The following AFAP1L1 variants were observed in gnomAD, a reference collection of about 807,000 sequenced individuals.
AFAP1L1 encodes actin filament associated protein 1 like 1.
AFAP1L1 carries 77 observed loss-of-function variants against 99.8 expected under a neutral mutation model. That is an observed-to-expected ratio of 0.77 (90% CI 0.64 to 0.93). The LOEUF (loss-of-function observed/expected upper bound fraction) is 0.93, where lower values mean the gene tolerates loss of function less well. AFAP1L1 is among the 40% of genes least tolerant of loss of function. The probability of loss-of-function intolerance (pLI) is 0.00; values close to 1 mark genes in which losing one functional copy is unlikely to be tolerated. For missense variants in AFAP1L1, 893 were observed against 996.8 expected (o/e 0.90, Z 1.40); for synonymous variants, 373 against 395.3 (o/e 0.94, Z 0.67).
At chr5:149,339,887 A>G (rs915600821) in intron 18 of AFAP1L1, 120 bp from the exon 19 acceptor site, 12 of 993,616 alleles carry the variant, frequency 1.2e-5, no homozygotes, top group Non-Finnish European at 1.7e-5. Flanking sequence ...AGAGGGGGTT[A>G]GAACCCAACG....
chr5:149,274,671 GA>G (rs1393031633), intron 1 of AFAP1L1, among the ~76,000 whole-genome samples: 1 of 152,158 alleles, frequency 6.6e-6, no homozygotes, highest in African/African-American at 2.4e-5. Flanking sequence ...TTGAGGTCAG[GA>G]GTTCGAGACC....
chr5:149,305,285 T>C (rs142486103), intron 5 of AFAP1L1, among the ~76,000 whole-genome samples: 18 of 152,330 alleles, frequency 1.2e-4, no homozygotes, highest in Non-Finnish European at 2.5e-4. Context: ...ATGATAGAGA[T>C]AGGATTTGAA....
intron 1 of AFAP1L1, among the ~76,000 whole-genome samples, chr5:149,291,621 T>C (rs1755865042): frequency 6.9e-6 from 1 of 144,712 alleles, no homozygotes; most frequent in Non-Finnish European, 1.5e-5. Context: ...TCCTTCACCC[T>C]ACCCAAGCAC....
intron 1 of AFAP1L1, among the ~76,000 whole-genome samples, chr5:149,283,930 C>G (rs1755599463): frequency 6.6e-6 from 1 of 152,188 alleles, no homozygotes; most frequent in South Asian, 2.1e-4. Context: ...CCTGAATCTC[C>G]CAGTGTGGCA....
intron 17 of AFAP1L1, among the ~76,000 whole-genome samples, chr5:149,333,460 G>A (rs1757315120): frequency 6.6e-6 from 1 of 152,172 alleles, no homozygotes; most frequent in African/African-American, 2.4e-5. Context: ...GCCCTCTCCT[G>A]AGATCTCCAG....
At chr5:149,291,464 T>G (rs1190944723) in intron 1 of AFAP1L1, among the ~76,000 whole-genome samples, 1 of 130,848 alleles carries the variant, frequency 7.6e-6, no homozygotes. Context: ...AGGCGGAGGT[T>G]GCAGTGAGCC....
Position 149,300,373 on chromosome 5 carries a change from A to T in AFAP1L1, c.229+19A>T, listed in dbSNP as rs191499411. On this transcript the variant is annotated intron_variant, in intron 3 of 18. Transcript: ENST00000296721. ...GAATTTGGTAAGTGACCCTCTCCCA[A>T]CCTCAGCTACGGAGCCATCCCTCTT... The T allele has an allele frequency of 4.3e-4, 686 of 1,604,572 alleles. 10 individuals carry two copies. In the East Asian group the frequency reaches 0.013, roughly 30 times the overall value.
intron 7 of AFAP1L1, among the ~76,000 whole-genome samples, chr5:149,308,919 A>AC (rs938443526): frequency 1.0e-4 from 15 of 145,856 alleles, no homozygotes; most frequent in Non-Finnish European, 9.0e-5. Context: ...ACAAAGCAAG[A>AC]CTCCGTCTCT....
intron 1 of AFAP1L1, among the ~76,000 whole-genome samples, chr5:149,292,640 A>G (rs568574643): frequency 4.1e-4 from 62 of 152,340 alleles, no homozygotes; most frequent in African/African-American, 1.4e-3. Flanking sequence ...TTGAAAACTT[A>G]TAAACGATGA....
chr5:149,321,461 T>C (rs561908467), intron 14 of AFAP1L1, among the ~76,000 whole-genome samples: 2 of 152,152 alleles, frequency 1.3e-5, no homozygotes, highest in Non-Finnish European at 2.9e-5. Context: ...GTGCCGTGGC[T>C]CATGCCTATA....
At chr5:149,304,014 T>G (rs573450977) in intron 5 of AFAP1L1, among the ~76,000 whole-genome samples, 1 of 152,322 alleles carries the variant, frequency 6.6e-6, no homozygotes, top group Non-Finnish European at 1.5e-5. Flanking sequence ...CCCATACCAC[T>G]AAGCAGTCAC....
Position 149,317,874 on chromosome 5 carries a change from C to T in AFAP1L1, c.1413C>T (p.Gly471=), listed in dbSNP as rs1756844068. Residue 471 remains glycine, a synonymous_variant, in exon 12 of 19, where the codon GGC becomes GGT. Transcript: ENST00000296721. ...TGCAAGGCTGTGAGGTGGCCCCGGG[C>T]TTTGGGCCCCGACACCCATTTGCCT... The part of the protein sequence containing the change: ...IALQGCEVAP[G]FGPRHPFAFR... The T allele has an allele frequency of 2.5e-6, 4 of 1,601,816 alleles. No homozygotes were observed. In the Admixed American group the frequency reaches 6.9e-5, roughly 28 times the overall value.
chr5:149,321,767 A>G (rs958408613), intron 14 of AFAP1L1, among the ~76,000 whole-genome samples: 2 of 148,348 alleles, frequency 1.3e-5, no homozygotes, highest in African/African-American at 5.0e-5. Context: ...GGCTGGGCGC[A>G]GTGGCTCACA....
At chr5:149,288,942 G>T (rs1755766786) in intron 1 of AFAP1L1, among the ~76,000 whole-genome samples, 1 of 152,120 alleles carries the variant, frequency 6.6e-6, no homozygotes, top group South Asian at 2.1e-4. Context: ...GGGAAGAGTG[G>T]CTCCCAGAAA....
intron 1 of AFAP1L1, among the ~76,000 whole-genome samples, chr5:149,283,391 G>A (rs949055325): frequency 1.3e-5 from 2 of 152,148 alleles, no homozygotes; most frequent in African/African-American, 2.4e-5. Flanking sequence ...ATGTTTCACC[G>A]TGGCCTAGTC....
chr5:149,277,775 C>T (rs922156237), intron 1 of AFAP1L1, among the ~76,000 whole-genome samples: 4 of 152,154 alleles, frequency 2.6e-5, no homozygotes, highest in Non-Finnish European at 4.4e-5. Context: ...TCAGTGTCTT[C>T]ATTTGGAATG....
intron 14 of AFAP1L1, among the ~76,000 whole-genome samples, chr5:149,321,091 A>G (rs890822284): frequency 5.3e-5 from 8 of 152,206 alleles, no homozygotes; most frequent in Admixed American, 3.3e-4. Flanking sequence ...GAGAGAGGCA[A>G]TTAAGCTGCC....
In AFAP1L1 at chr5:149,290,040, T is replaced by G. The variant is rs192313993; in HGVS notation, c.17-9469T>G. 3.9e-3 allele frequency among the ~76,000 whole-genome samples: 595 copies of G among 152,310 alleles called. 6 individuals are homozygous for G. The highest frequency in any genetic ancestry group is 0.013 in the African/African-American group (561 of 41,570). On this transcript the variant is annotated intron_variant, in intron 1 of 18. Coordinates refer to ENST00000296721, the MANE Select transcript of AFAP1L1 (RefSeq NM_152406.4). ...CAAGGTCAGGAGATCGAGACCATCC[T>G]GGCTAACATGGTGAAACACCTTCTC... is the stretch of plus-strand genomic sequence containing the variant.
intron 1 of AFAP1L1, among the ~76,000 whole-genome samples, chr5:149,275,894 C>G (rs1326577708): frequency 6.6e-6 from 1 of 152,158 alleles, no homozygotes; most frequent in East Asian, 1.9e-4. Flanking sequence ...CCATAAAGAC[C>G]CTGTCTCCAA....
Sources: allele counts gnomAD v4.1 joint callset (sites outside exome capture counted in the v4.1 genomes callset), GRCh38; gene constraint gnomAD v4.1.1; transcripts MANE v1.5; gene names NCBI Gene and HGNC (gene_info 2026-07-23, HGNC 2026-07-21).